The following SH3BP1 variants were observed in gnomAD, a reference collection of about 807,000 sequenced individuals.
SH3BP1 encodes SH3 domain binding protein 1.
Under a neutral mutation model 69.8 loss-of-function variants are expected in SH3BP1, and 46 were observed. That is an observed-to-expected ratio of 0.66 (90% CI 0.52 to 0.84). The LOEUF (loss-of-function observed/expected upper bound fraction) is 0.84, where lower values mean the gene tolerates loss of function less well. Ranked by LOEUF, SH3BP1 falls within the 40% of genes least tolerant of loss-of-function variation. The probability of loss-of-function intolerance (pLI) is 0.00; values close to 1 mark genes in which losing one functional copy is unlikely to be tolerated. For synonymous variants in SH3BP1, 403 were observed against 378.0 expected (o/e 1.07, Z -0.77); for missense variants, 868 against 930.9 (o/e 0.93, Z 0.88).
chr22:37,655,468 T>G lies in SH3BP1; in HGVS notation c.1890T>G (p.Pro630=), dbSNP rs2146079569. 3.5e-6 allele frequency: 2 copies of G among 579,524 alleles called. No homozygotes were observed. Among genetic ancestry groups the G allele is most frequent in the Non-Finnish European group, 4.6e-6 (2 of 436,114 alleles). The allele number at this position is 579,524 out of a possible 1,614,324, so 35.9% of individuals were successfully genotyped here. ...PPPLPPTPPQ[P]ARRQSRRSPA... is the part of the protein sequence containing the mutation. ...CGTTACCCCCCACACCCCCTCAGCC[T>G]GCCCGGCGCCAAAGCCGGCGTTCAC... The change falls in exon 18 of 18, where the codon CCT becomes CCG. Residue 630 remains proline (P), a synonymous_variant. Coordinates refer to ENST00000649765, the MANE Select transcript of SH3BP1 (RefSeq NM_018957.6).
intron 10 of SH3BP1, among the ~76,000 whole-genome samples, chr22:37,646,263 CT>C (rs1273709050): frequency 1.8e-3 from 246 of 133,394 alleles, no homozygotes; most frequent in Middle Eastern, 4.7e-3. Flanking sequence ...GCGCCCGACC[CT>C]TTTTTTTTTT....
In SH3BP1 at chr22:37,641,446, G is replaced by T. The variant is rs766699361; in HGVS notation, c.175G>T (p.Gly59Cys). 1.0e-5 allele frequency: 16 copies of T among 1,551,052 alleles called. No individual in the cohort carries two copies. The highest frequency in any genetic ancestry group is 1.4e-5 in the Non-Finnish European group (16 of 1,147,152). The change falls in exon 3 of 18, where the codon GGC becomes TGC. Residue 59 changes from glycine (G) to cysteine (C), a missense_variant. By Grantham distance (159) the Gly-to-Cys change is radical (BLOSUM62 -3). This residue lies in a region of SH3BP1 where 387 missense variants were observed against 447.9 expected (regional missense o/e 0.86). Transcript: ENST00000649765. Reference protein sequence around the residue: ...IHKRLQACLQGQSGADMDKRV... With the variant: ...IHKRLQACLQCQSGADMDKRV... ...CAAGCGGCTGCAGGCCTGTCTGCAGGGCCAGAGCGGGGCAGACATGGACAA... is the reference window on the plus strand; with the variant it reads ...CAAGCGGCTGCAGGCCTGTCTGCAGTGCCAGAGCGGGGCAGACATGGACAA...
At chr22:37,644,332 T>C (rs947749950) in intron 7 of SH3BP1, among the ~76,000 whole-genome samples, 3 of 152,118 alleles carry the variant, frequency 2.0e-5, no homozygotes, top group African/African-American at 7.2e-5. Flanking sequence ...TGAGCCAAGA[T>C]TGCACCACTG....
intron 10 of SH3BP1, 186 bp from the exon 11 acceptor site, chr22:37,646,632 C>G (rs1932789702): frequency 2.3e-6 from 1 of 428,368 alleles, no homozygotes; most frequent in Non-Finnish European, 4.1e-6. Context: ...CAGCCCTGCC[C>G]TTTGCTCAGA....
At chr22:37,650,377 C>G (rs7291774) in intron 15 of SH3BP1, 128 bp downstream of exon 15, 22 of 1,489,918 alleles carry the variant, frequency 1.5e-5, no homozygotes, top group Non-Finnish European at 1.8e-5. Flanking sequence ...ATTTTTACAA[C>G]GGGGATGGTC....
At chr22:37,640,887 C>T (rs1601579379) in intron 1 of SH3BP1, 1 of 560,450 alleles carries the variant, frequency 1.8e-6, no homozygotes. Flanking sequence ...TGTCCGCCCT[C>T]TCTCAGGACA....
In SH3BP1 at chr22:37,653,633, G is replaced by A. The variant is rs1932932759; in HGVS notation, c.1599-146G>A. On this transcript the variant is annotated intron_variant, in intron 16 of 17. Coordinates refer to ENST00000649765, the MANE Select transcript of SH3BP1 (RefSeq NM_018957.6). ...CAACCAATGCCAGAAGCATCTTCTG[G>A]GAGGGGTGCGTGGCATGGGGACAGA... 4.3e-6 allele frequency: 3 copies of A among 702,898 alleles called. No individual in the cohort carries two copies. In the Admixed American group the frequency reaches 6.1e-5, roughly 14 times the overall value. 43.5% of individuals were successfully genotyped at this position (702,898 alleles called of 1,614,324 possible). A position where few individuals can be genotyped will look rare whatever the true frequency, so the allele number is the denominator to read the frequency against.
At chr22:37,651,046 T>G (rs924674490) in intron 16 of SH3BP1, among the ~76,000 whole-genome samples, 6 of 152,138 alleles carry the variant, frequency 3.9e-5, no homozygotes, top group East Asian at 1.9e-4. Context: ...GTTTTGTTTT[T>G]TTTTTAAGAC....
chr22:37,652,837 A>AG (rs1271730804), intron 16 of SH3BP1, among the ~76,000 whole-genome samples: 4 of 142,764 alleles, frequency 2.8e-5, no homozygotes, highest in Non-Finnish European at 4.6e-5. Flanking sequence ...AAAAAAAAAA[A>AG]AAAAAGAAAA....
rs938606522 is a variant in SH3BP1 at position 37,655,795 on chromosome 22, C to T, written c.*111C>T. The T allele has an allele frequency of 1.0e-5, 15 of 1,449,744 alleles. No homozygotes were observed. The Admixed American group carries it at 4.0e-4, about 39-fold the overall frequency. The allele number at this position is 1,449,744 out of a possible 1,614,324, so 89.8% of individuals were successfully genotyped here. The stretch of plus-strand genomic sequence containing the variant: ...GGCATGGGCCTCCAGCCTTTGCCCA[C>T]AAGTGCCTCAGTGCCCACTGGGTCG... On this transcript the variant is annotated 3_prime_UTR_variant, in exon 18 of 18. Coordinates refer to ENST00000649765, the MANE Select transcript of SH3BP1 (RefSeq NM_018957.6).
intron 17 of SH3BP1, among the ~76,000 whole-genome samples, chr22:37,654,103 C>G (rs1276183891): frequency 6.6e-6 from 1 of 152,208 alleles, no homozygotes; most frequent in Non-Finnish European, 1.5e-5. Flanking sequence ...AGTGTCTGCA[C>G]TTACCTTATG....
Position 37,655,999 on chromosome 22 carries a change from G to A in SH3BP1, c.*315G>A. On this transcript the variant is annotated 3_prime_UTR_variant, in exon 18 of 18. Coordinates refer to ENST00000649765, the MANE Select transcript of SH3BP1 (RefSeq NM_018957.6). ...GGACTGATTCTTCTCTTGCCGACATGTTTTTTGTAAGGCTGGTAAATAAAT... is the reference window on the plus strand; with the variant it reads ...GGACTGATTCTTCTCTTGCCGACATATTTTTTGTAAGGCTGGTAAATAAAT... 1 of 1,478,004 alleles carries A rather than the reference G, an allele frequency of 6.8e-7. No homozygotes were observed. The highest frequency in any genetic ancestry group is 9.1e-7 in the Non-Finnish European group (1 of 1,103,640). The allele number at this position is 1,478,004 out of a possible 1,614,324, so 91.6% of individuals were successfully genotyped here. A position where few individuals can be genotyped will look rare whatever the true frequency, so the allele number is the denominator to read the frequency against.
intron 15 of SH3BP1, 75 bp from the exon 16 acceptor site, chr22:37,650,467 G>A: frequency 6.5e-7 from 1 of 1,541,042 alleles, no homozygotes; most frequent in Non-Finnish European, 8.8e-7. Flanking sequence ...CAGGGGAAGG[G>A]GAAACGGTCC....
chr22:37,643,554 G>C, intron 6 of SH3BP1, 90 bp from the exon 7 acceptor site: 1 of 1,553,260 alleles, frequency 6.4e-7, no homozygotes, highest in Non-Finnish European at 8.8e-7. Context: ...CTAAATCCTA[G>C]AATCCCATGT....
In SH3BP1 at chr22:37,643,801, G is replaced by A. The variant is rs200173618; in HGVS notation, c.618+13G>A. 6.2e-7 allele frequency: 1 copy of A among 1,611,776 alleles called. No individual in the cohort carries two copies. The highest frequency in any genetic ancestry group is 1.3e-5 in the African/African-American group (1 of 75,020). On this transcript the variant is annotated intron_variant, in intron 7 of 17. Coordinates refer to ENST00000649765, the MANE Select transcript of SH3BP1 (RefSeq NM_018957.6). Reference sequence around the variant, plus strand: ...GGAGCAATGCAGGGTGAGGGCCATGGGGGTCCCCTGGATATGTAGGGGTGG... The same window carrying A: ...GGAGCAATGCAGGGTGAGGGCCATGAGGGTCCCCTGGATATGTAGGGGTGG...
At chr22:37,641,098 T>TCCCCCCCCCCCCCCCCC (rs751968178) in intron 1 of SH3BP1, 28 bp from the exon 2 acceptor site, 1 of 911,378 alleles carries the variant, frequency 1.1e-6, no homozygotes, top group African/African-American at 2.2e-5. Flanking sequence ...AGAAGCACTC[T>TCCCCCCCCCCCCCCCCC]CCCCCCCCCC....
intron 2 of SH3BP1, 25 bp downstream of exon 2, chr22:37,641,193 G>A (rs1932578625): frequency 6.5e-7 from 1 of 1,549,604 alleles, no homozygotes; most frequent in East Asian, 2.4e-5. Context: ...CGGGCAGGTG[G>A]GAAGGCAGGC....
At chr22:37,648,698 T>TTA in intron 14 of SH3BP1, 9 of 324,098 alleles carry the variant, frequency 2.8e-5, no homozygotes, top group Non-Finnish European at 3.9e-5. Flanking sequence ...AGAGATCGGG[T>TTA]TCTTTTTTTT....
chr22:37,641,293 G>A (rs1008500316), intron 2 of SH3BP1, 81 bp from the exon 3 acceptor site: 3 of 1,515,188 alleles, frequency 2.0e-6, no homozygotes, highest in African/African-American at 2.8e-5. Context: ...TGGCCATGGG[G>A]TCCCCAGGGG....
Sources: gnomAD v4.1 joint callset for allele counts (sites outside exome capture counted in the v4.1 genomes callset) on GRCh38, gnomAD v4.1.1 for gene constraint, gnomAD v4.1.1 regional missense constraint, MANE v1.5 for transcripts, NCBI Gene and HGNC (gene_info 2026-07-23, HGNC 2026-07-21) for gene names.